The following LOC728743 variants were observed in gnomAD, a reference collection of about 807,000 sequenced individuals.
chr7:150,403,481 C>T, the LOC728743 span, among the ~76,000 whole-genome samples: 6 of 152,276 alleles, frequency 3.9e-5, no homozygotes, highest in Admixed American at 6.5e-5. The surrounding 1 kb of genome is among the most constrained non-coding windows in gnomAD (Gnocchi z 5.1). Flanking sequence ...TGGTGTTCAC[C>T]GAGTGTCCCC....
At chr7:150,405,136 A>G in the LOC728743 span, 1 of 152,242 alleles carries the variant, frequency 6.6e-6, no homozygotes, top group Admixed American at 6.5e-5. Context: ...CAGGCCCCGG[A>G]ACCGGCCCCC....
At chr7:150,408,081 C>T in the LOC728743 span, 3 of 376,786 alleles carry the variant, frequency 8.0e-6, no homozygotes, top group Non-Finnish European at 1.4e-5. Context: ...CCGCGCCGCC[C>T]CGGCGTCTTC....
chr7:150,402,437 T>A, the LOC728743 span, among the ~76,000 whole-genome samples: 1 of 152,196 alleles, frequency 6.6e-6, no homozygotes, highest in Admixed American at 6.5e-5. Flanking sequence ...TCCAAACCCT[T>A]GGGGGCCATC....
the LOC728743 span, among the ~76,000 whole-genome samples, chr7:150,401,414 C>T: frequency 6.6e-6 from 1 of 152,196 alleles, no homozygotes; most frequent in African/African-American, 2.4e-5. Flanking sequence ...GCAGGCCCCT[C>T]GTGGACTTGG....
the LOC728743 span, among the ~76,000 whole-genome samples, chr7:150,407,292 C>A: frequency 6.6e-6 from 1 of 152,122 alleles, no homozygotes; most frequent in Non-Finnish European, 1.5e-5. Flanking sequence ...CAGTGAGAGC[C>A]ACATGGTTGT....
At chr7:150,401,707 G>T in the LOC728743 span, among the ~76,000 whole-genome samples, 1 of 152,188 alleles carries the variant, frequency 6.6e-6, no homozygotes, top group African/African-American at 2.4e-5. Context: ...TTCAACAGGG[G>T]ACTTTTTGTG....
chr7:150,406,725 G>A, the LOC728743 span, among the ~76,000 whole-genome samples: 9 of 152,288 alleles, frequency 5.9e-5, no homozygotes, highest in Admixed American at 5.9e-4. Flanking sequence ...GCAGCATGAA[G>A]GGAGCTGGGT....
At chr7:150,406,625 T>C in the LOC728743 span, among the ~76,000 whole-genome samples, 6 of 152,192 alleles carry the variant, frequency 3.9e-5, no homozygotes, top group African/African-American at 1.2e-4. Context: ...TCAATAACCC[T>C]GCTCCGCCCC....
chr7:150,410,394 G>A, the LOC728743 span: 18 of 388,370 alleles, frequency 4.6e-5, no homozygotes, highest in East Asian at 6.5e-4. Context: ...AGGCCTGGTG[G>A]GAATCACAGC....
chr7:150,408,030 T>C, the LOC728743 span: 1 of 396,846 alleles, frequency 2.5e-6, no homozygotes, highest in Non-Finnish European at 4.4e-6. Flanking sequence ...CGCTTCCTGC[T>C]CAACCACCAG....
At chr7:150,400,794 T>C in the LOC728743 span, 1 of 152,240 alleles carries the variant, frequency 6.6e-6, no homozygotes, top group African/African-American at 2.4e-5. Flanking sequence ...TCAGAGGATA[T>C]TTAGGAAGAG....
At chr7:150,408,062 G>T in the LOC728743 span, 1 of 385,168 alleles carries the variant, frequency 2.6e-6, no homozygotes, top group Non-Finnish European at 4.6e-6. Context: ...GCGCATGCCC[G>T]CGCCGCACCC....
At chr7:150,406,162 T>A in the LOC728743 span, among the ~76,000 whole-genome samples, 17 of 152,180 alleles carry the variant, frequency 1.1e-4, no homozygotes, top group Admixed American at 4.6e-4. Context: ...CACCCCGGCC[T>A]CGAGGGTACG....
At chr7:150,407,633 G>C in the LOC728743 span, 13 of 398,848 alleles carry the variant, frequency 3.3e-5, no homozygotes, top group Non-Finnish European at 5.3e-5. Context: ...GGCGTCCTCC[G>C]GGGGCGGGTC....
the LOC728743 span, among the ~76,000 whole-genome samples, chr7:150,409,361 A>G: frequency 1.4e-4 from 21 of 152,148 alleles, no homozygotes; most frequent in Non-Finnish European, 3.1e-4. Flanking sequence ...TCATCTGGGC[A>G]AGAGAACATA....
At chr7:150,409,599 T>C in the LOC728743 span, among the ~76,000 whole-genome samples, 3 of 152,200 alleles carry the variant, frequency 2.0e-5, no homozygotes, top group African/African-American at 7.2e-5. Flanking sequence ...TCCCAGAACC[T>C]TTTAGCTTCA....
the LOC728743 span, chr7:150,411,856 G>A: frequency 1.3e-5 from 2 of 152,578 alleles, no homozygotes; most frequent in East Asian, 3.9e-4. Flanking sequence ...CTGCCTCTGT[G>A]CCTTCCCCTA....
At chr7:150,408,704 C>A in the LOC728743 span, among the ~76,000 whole-genome samples, 17 of 152,234 alleles carry the variant, frequency 1.1e-4, no homozygotes, top group South Asian at 6.2e-4. Flanking sequence ...CCAACCTCAG[C>A]CCCTAGGCCT....
the LOC728743 span, among the ~76,000 whole-genome samples, chr7:150,402,205 C>T: frequency 6.6e-6 from 1 of 152,240 alleles, no homozygotes; most frequent in Admixed American, 6.5e-5. Flanking sequence ...AATTAACCAT[C>T]TCCAGTGTGA....
Sources: gnomAD v4.1 joint callset for allele counts (sites outside exome capture counted in the v4.1 genomes callset) on GRCh38, gnomAD v4.1.1 for gene constraint, Gnocchi (gnomAD v3.1) non-coding constraint, MANE v1.5 for transcripts.